Variants in SAMD12 observed in about 807,000 individuals in gnomAD.
SAMD12 encodes sterile alpha motif domain containing 12.
In SAMD12, 9 loss-of-function variants were observed where a neutral mutation model predicts 15.0. That is an observed-to-expected ratio of 0.60 (90% CI 0.36 to 1.05). The LOEUF (loss-of-function observed/expected upper bound fraction) is 1.05, where lower values mean the gene tolerates loss of function less well. SAMD12 is among the 50% of genes least tolerant of loss of function. The probability of loss-of-function intolerance (pLI) is 0.01; values close to 1 mark genes in which losing one functional copy is unlikely to be tolerated. For missense variants in SAMD12, 230 were observed against 234.2 expected, an observed-to-expected ratio of 0.98 and a Z score of 0.12; for synonymous variants, 86 against 90.1, an observed-to-expected ratio of 0.96 and a Z score of 0.25.
intron 4 of SAMD12, among the ~76,000 whole-genome samples, chr8:118,325,344 G>A (rs1421063713): frequency 6.6e-6 from 1 of 152,202 alleles, no homozygotes; most frequent in Non-Finnish European, 1.5e-5. Context: ...CAGAGTTGGG[G>A]TGGAAGGAGA....
At chr8:118,357,844 C>T (rs762013910) in intron 4 of SAMD12, among the ~76,000 whole-genome samples, 53 of 152,196 alleles carry the variant, frequency 3.5e-4, no homozygotes, top group Admixed American at 9.2e-4. Flanking sequence ...TCATTCAGTT[C>T]CTAGGGAATG....
At chr8:118,556,953 G>A (rs1009402027) in intron 2 of SAMD12, among the ~76,000 whole-genome samples, 1 of 150,622 alleles carries the variant, frequency 6.6e-6, no homozygotes, top group African/African-American at 2.5e-5. Context: ...GACAGTGCGA[G>A]ACTCCATCTC....
intron 1 of SAMD12, among the ~76,000 whole-genome samples, chr8:118,581,675 C>A (rs1345318374): frequency 2.0e-5 from 3 of 152,120 alleles, no homozygotes; most frequent in Non-Finnish European, 4.4e-5. Context: ...TACTGAGCCC[C>A]CCTATGTACC....
intron 2 of SAMD12, among the ~76,000 whole-genome samples, chr8:118,535,296 C>G (rs929743585): frequency 6.6e-6 from 1 of 152,200 alleles, no homozygotes; most frequent in East Asian, 1.9e-4. Flanking sequence ...GCTGCCTGAT[C>G]GTTCCTCTGG....
intron 4 of SAMD12, among the ~76,000 whole-genome samples, chr8:118,334,887 CCGGCTCTCCCT>C (rs1243522120): frequency 6.6e-6 from 1 of 152,138 alleles, no homozygotes; most frequent in African/African-American, 2.4e-5. Context: ...GACACCATGC[CCGGCTCTCCCT>C]TTCTTTGAAG....
chr8:118,621,683 G>GCCTT (rs983855718), intron 1 of SAMD12, 121 bp downstream of exon 1: 2 of 1,137,392 alleles, frequency 1.8e-6, no homozygotes, highest in Non-Finnish European at 2.7e-6. Context: ...GAGGAGGAAG[G>GCCTT]GGCCCGCTCT....
At chr8:118,199,931 G>A (rs1819665829) in intron 4 of SAMD12, among the ~76,000 whole-genome samples, 1 of 152,128 alleles carries the variant, frequency 6.6e-6, no homozygotes, top group Non-Finnish European at 1.5e-5. Context: ...ATCTTATCTT[G>A]AACTGCAGCT....
chr8:118,234,351 CAT>C (rs956637752), intron 4 of SAMD12, among the ~76,000 whole-genome samples: 2 of 152,082 alleles, frequency 1.3e-5, no homozygotes, highest in African/African-American at 4.8e-5. Context: ...TGAAATTACA[CAT>C]ACTGATTTGG....
At chr8:118,353,060 GTA>G (rs1818040160) in intron 4 of SAMD12, among the ~76,000 whole-genome samples, 1 of 151,814 alleles carries the variant, frequency 6.6e-6, no homozygotes, top group Admixed American at 6.6e-5. Flanking sequence ...AAATATTGCT[GTA>G]TGTTTTCAGT....
rs1027522152 is a variant in SAMD12 at position 118,486,242 on chromosome 8, G to A, written c.193-46281C>T. 6.7e-5 allele frequency among the ~76,000 whole-genome samples: 10 copies of A among 148,878 alleles called. No homozygotes were observed. In the East Asian group the frequency reaches 8.2e-4, roughly 12 times the overall value. On this transcript the variant is annotated intron_variant, in intron 2 of 3. Transcript: ENST00000314727. ...ATCCTGGCTAACACGGTGAAACTCCGTCTCTACTAAAAAATACAAAAAAAT... is the reference window on the plus strand; with the variant it reads ...ATCCTGGCTAACACGGTGAAACTCCATCTCTACTAAAAAATACAAAAAAAT...
At chr8:118,430,371 C>CTTTTT (rs35835490) in intron 3 of SAMD12, among the ~76,000 whole-genome samples, 1 of 146,042 alleles carries the variant, frequency 6.8e-6, no homozygotes, top group Admixed American at 6.8e-5. Flanking sequence ...CTGTAATTGC[C>CTTTTT]TTTTTTTTTT....
chr8:118,132,052 T>TA, the SAMD12 span, among the ~76,000 whole-genome samples: 6 of 152,220 alleles, frequency 3.9e-5, no homozygotes, highest in African/African-American at 1.4e-4. Flanking sequence ...CATATACACT[T>TA]ACAATATTTT....
At chr8:118,263,506 A>G (rs1015685838) in intron 4 of SAMD12, among the ~76,000 whole-genome samples, 2 of 152,066 alleles carry the variant, frequency 1.3e-5, no homozygotes, top group African/African-American at 4.8e-5. Flanking sequence ...TGTACCCCAG[A>G]AAAAAATCTA....
the SAMD12 span, among the ~76,000 whole-genome samples, chr8:118,172,617 T>C: frequency 4.6e-5 from 7 of 152,222 alleles, no homozygotes; most frequent in African/African-American, 1.4e-4. Context: ...AATTGATATA[T>C]ATAAAAATCT....
downstream of SAMD12, among the ~76,000 whole-genome samples, chr8:118,186,936 C>G (rs919618146): frequency 3.3e-5 from 5 of 152,170 alleles, no homozygotes; most frequent in Non-Finnish European, 1.5e-5. Context: ...ATACCCACAT[C>G]TCCACCCACA....
At chr8:118,410,693 G>C (rs747987841) in intron 3 of SAMD12, among the ~76,000 whole-genome samples, 1 of 152,034 alleles carries the variant, frequency 6.6e-6, no homozygotes, top group African/African-American at 2.4e-5. Context: ...TTAGTCTGTC[G>C]GCCAGGTGAA....
chr8:118,425,193 C>A (rs546481816), intron 3 of SAMD12, among the ~76,000 whole-genome samples: 29 of 152,254 alleles, frequency 1.9e-4, no homozygotes, highest in African/African-American at 7.0e-4. Flanking sequence ...CCGCCTTGGC[C>A]TCCCAAAGTG....
chr8:118,558,021 TACTCATGAAAA>T (rs1346050573), intron 2 of SAMD12, among the ~76,000 whole-genome samples: 5 of 152,232 alleles, frequency 3.3e-5, no homozygotes, highest in African/African-American at 1.2e-4. Flanking sequence ...TCTGGTCTTC[TACTCATGAAAA>T]TTTCATTTAT....
rs528502395 is a variant in SAMD12 at position 118,552,953 on chromosome 8, A to G, written c.192+27762T>C. On this transcript the variant is annotated intron_variant, in intron 2 of 3. Transcript: ENST00000314727. ...ACAATTGCTTCAAAGAGAATAAAAT[A>G]CCTAGGAATCCAACTTACAAGGGAC... is the stretch of plus-strand genomic sequence containing the variant. Among the ~76,000 whole-genome samples the G allele has an allele frequency of 2.8e-3, 426 of 152,114 alleles. 2 individuals carry two copies. Among genetic ancestry groups the G allele is most frequent in the Non-Finnish European group, 5.3e-3 (357 of 67,968 alleles).
Sources: allele counts gnomAD v4.1 joint callset (sites outside exome capture counted in the v4.1 genomes callset), GRCh38; gene constraint gnomAD v4.1.1; transcripts MANE v1.5; gene names NCBI Gene and HGNC (gene_info 2026-07-23, HGNC 2026-07-21).